The following ANTXR1 variants were observed in gnomAD, a reference collection of about 807,000 sequenced individuals.
ANTXR1 encodes the protein ANTXR cell adhesion molecule 1.
A neutral mutation model predicts 78.1 loss-of-function variants in ANTXR1; 19 were observed. The observed-to-expected ratio is 0.24, with a 90% confidence interval of 0.17 to 0.36. The LOEUF (loss-of-function observed/expected upper bound fraction) is 0.36, where lower values mean the gene tolerates loss of function less well. ANTXR1 is among the 10% of genes least tolerant of loss of function. The pLI, the probability that ANTXR1 is intolerant of heterozygous loss-of-function variation, is 1.00. For missense variants in ANTXR1, 518 were observed against 718.6 expected, an observed-to-expected ratio of 0.72 and a Z score of 3.19; for synonymous variants, 273 against 260.5, an observed-to-expected ratio of 1.05 and a Z score of -0.46.
chr2:69,076,499 A>G (rs926690931), intron 7 of ANTXR1, among the ~76,000 whole-genome samples: 5 of 152,230 alleles, frequency 3.3e-5, no homozygotes, highest in African/African-American at 9.6e-5. Flanking sequence ...TTTTAATGGC[A>G]TAGGAAAATG....
At chr2:69,097,612 A>G (rs576282688) in intron 9 of ANTXR1, among the ~76,000 whole-genome samples, 5 of 152,344 alleles carry the variant, frequency 3.3e-5, no homozygotes, top group African/African-American at 4.8e-5. Flanking sequence ...AGACATTTCT[A>G]TGTGGAGGAA....
intron 17 of ANTXR1, among the ~76,000 whole-genome samples, chr2:69,223,224 C>T (rs770245787): frequency 9.2e-5 from 14 of 152,194 alleles, no homozygotes; most frequent in Non-Finnish European, 2.1e-4. Flanking sequence ...TATACAGACT[C>T]ATGTGACCTA....
intron 8 of ANTXR1, among the ~76,000 whole-genome samples, chr2:69,083,702 T>G (rs1670962639): frequency 6.6e-6 from 1 of 152,176 alleles, no homozygotes; most frequent in African/African-American, 2.4e-5. Flanking sequence ...AGACCTACAC[T>G]GCACAACAAG....
chr2:69,097,137 A>G (rs1671456054), intron 9 of ANTXR1, among the ~76,000 whole-genome samples: 1 of 152,224 alleles, frequency 6.6e-6, no homozygotes, highest in African/African-American at 2.4e-5. Context: ...CCTCTCTGGA[A>G]AATGCACCCT....
At chr2:69,050,064 T>G (rs1419861342) in intron 3 of ANTXR1, among the ~76,000 whole-genome samples, 1 of 152,036 alleles carries the variant, frequency 6.6e-6, no homozygotes, top group Non-Finnish European at 1.5e-5. Context: ...GAAGCTGAGG[T>G]GAGAGGATCG....
intron 1 of ANTXR1, among the ~76,000 whole-genome samples, chr2:69,038,717 C>T (rs1350679316): frequency 1.3e-5 from 2 of 152,150 alleles, no homozygotes; most frequent in Admixed American, 6.5e-5. Context: ...TGTACATTCT[C>T]TAGAATTGAA....
At chr2:69,065,008 T>C (rs1180150088) in intron 3 of ANTXR1, among the ~76,000 whole-genome samples, 1 of 151,278 alleles carries the variant, frequency 6.6e-6, no homozygotes, top group Non-Finnish European at 1.5e-5. Flanking sequence ...GAAAGGAAAA[T>C]AATAACAAGT....
chr2:69,015,490 A>G (rs1670998192), intron 1 of ANTXR1, among the ~76,000 whole-genome samples: 1 of 150,680 alleles, frequency 6.6e-6, no homozygotes, highest in Non-Finnish European at 1.5e-5. Context: ...CAATCAGTAT[A>G]TAATGATTCA....
At chr2:69,151,894 C>G (rs1299800779) in intron 12 of ANTXR1, among the ~76,000 whole-genome samples, 1 of 152,198 alleles carries the variant, frequency 6.6e-6, no homozygotes. Context: ...TTCATGCCTG[C>G]TCTGTCTCTT....
At chr2:69,037,874 T>G (rs1408293131) in intron 1 of ANTXR1, among the ~76,000 whole-genome samples, 1 of 152,086 alleles carries the variant, frequency 6.6e-6, no homozygotes, top group Non-Finnish European at 1.5e-5. Context: ...AAAGGGGTGC[T>G]TTTGACAGGA....
intron 14 of ANTXR1, among the ~76,000 whole-genome samples, chr2:69,170,996 T>C (rs1294681990): frequency 6.6e-6 from 1 of 152,230 alleles, no homozygotes; most frequent in Admixed American, 6.5e-5. Flanking sequence ...CTGATCACTC[T>C]TAGTACAGCT....
chr2:69,114,539 T>G lies in ANTXR1; in HGVS notation c.803-8478T>G, dbSNP rs574168534. Among the ~76,000 whole-genome samples the G allele has an allele frequency of 6.2e-4, 94 of 152,332 alleles. 1 individual carries two copies. The highest frequency in any genetic ancestry group is 2.2e-3 in the African/African-American group (93 of 41,570). On this transcript the variant is annotated intron_variant, in intron 10 of 17. Coordinates refer to ENST00000303714, the MANE Select transcript of ANTXR1 (RefSeq NM_032208.3). Reference sequence around the variant, plus strand: ...GGCTATAATGTAATCTTGATCCTCATGAACACAGTAACAATAATAACCCAC... The same window carrying G: ...GGCTATAATGTAATCTTGATCCTCAGGAACACAGTAACAATAATAACCCAC...
intron 9 of ANTXR1, among the ~76,000 whole-genome samples, chr2:69,100,665 G>C (rs1671580160): frequency 6.6e-6 from 1 of 152,198 alleles, no homozygotes; most frequent in African/African-American, 2.4e-5. Flanking sequence ...ACAGAAGTGA[G>C]GCAGAAAACA....
At chr2:69,243,380 C>T (rs1675936357) in intron 17 of ANTXR1, among the ~76,000 whole-genome samples, 2 of 152,142 alleles carry the variant, frequency 1.3e-5, no homozygotes, top group Admixed American at 6.5e-5. Flanking sequence ...ACAGATGAAA[C>T]AACTGTAGTA....
At chr2:69,088,041 G>T (rs1671110260) in intron 8 of ANTXR1, among the ~76,000 whole-genome samples, 1 of 152,182 alleles carries the variant, frequency 6.6e-6, no homozygotes. Flanking sequence ...GTTAAGATTG[G>T]GAAAGCTGTG....
chr2:69,104,855 G>A (rs1671752496), intron 10 of ANTXR1, among the ~76,000 whole-genome samples: 1 of 152,176 alleles, frequency 6.6e-6, no homozygotes, highest in Admixed American at 6.5e-5. Context: ...AGGCTGAGGT[G>A]GGTGTATGGC....
intron 17 of ANTXR1, among the ~76,000 whole-genome samples, chr2:69,231,285 ATATC>A (rs1675590585): frequency 6.6e-6 from 1 of 152,184 alleles, no homozygotes; most frequent in South Asian, 2.1e-4. Flanking sequence ...CTTTGGGGTT[ATATC>A]TTTCTGTCAT....
intron 12 of ANTXR1, among the ~76,000 whole-genome samples, chr2:69,147,935 A>AAAT (rs1673272771): frequency 6.6e-6 from 1 of 152,162 alleles, no homozygotes; most frequent in Non-Finnish European, 1.5e-5. Context: ...TTGTTAAGTA[A>AAAT]GTTAGCATTG....
chr2:69,177,427 G>A (rs1298358687), intron 14 of ANTXR1, among the ~76,000 whole-genome samples: 3 of 152,062 alleles, frequency 2.0e-5, no homozygotes, highest in South Asian at 2.1e-4. Flanking sequence ...TTTCTTCCTC[G>A]AACAGCACTG....
Sources: allele counts gnomAD v4.1 joint callset (sites outside exome capture counted in the v4.1 genomes callset), GRCh38; gene constraint gnomAD v4.1.1; transcripts MANE v1.5; gene names NCBI Gene and HGNC (gene_info 2026-07-23, HGNC 2026-07-21).